Variants in PKMYT1 observed in about 807,000 individuals in gnomAD.
PKMYT1 encodes membrane-associated tyrosine- and threonine-specific cdc2-inhibitory kinase.
A neutral mutation model predicts 49.7 loss-of-function variants in PKMYT1; 35 were observed. The ratio of observed to expected loss-of-function variants is 0.70; its 90% confidence interval spans 0.54 to 0.93. The LOEUF is 0.93. Among genes scored for constraint, PKMYT1 ranks in the 40% least tolerant of loss-of-function variants. The probability of loss-of-function intolerance (pLI) is 0.00; values close to 1 mark genes in which losing one functional copy is unlikely to be tolerated. For synonymous variants in PKMYT1, 331 were observed against 287.6 expected, an observed-to-expected ratio of 1.15 and a Z score of -1.53; for missense variants, 677 against 673.1, an observed-to-expected ratio of 1.01 and a Z score of -0.06.
rs2072131573 is a variant in PKMYT1, at chr16:2,974,645, G to C, written c.884C>G (p.Thr295Ser). ...CATGTTGCATGCCACTTCCAGGATG[G>C]TGAGGCCCAGACTGGCAGGGACGGG... is the stretch of plus-strand genomic sequence containing the variant. ...TAADVFSLGL[T>S]ILEVACNMEL... Residue 295 changes from threonine to serine, a missense_variant, in exon 5 of 9, where the codon ACC becomes AGC. Thr to Ser is a moderately conservative substitution (Grantham distance 58, BLOSUM62 1). Coordinates refer to ENST00000262300, the MANE Select transcript of PKMYT1 (RefSeq NM_004203.5). 3.2e-6 allele frequency: 5 copies of C among 1,563,068 alleles called. No homozygotes were observed. In the East Asian group the frequency reaches 1.2e-4, roughly 37 times the overall value.
At chr16:2,973,537 G>A (rs1412671213) in intron 7 of PKMYT1, 3 of 1,096,534 alleles carry the variant, frequency 2.7e-6, no homozygotes, top group Non-Finnish European at 3.8e-6. Context: ...ATGAGGTGAT[G>A]TGTTTGTAAG....
chr16:2,979,282 C>T (rs2072280472), intron 2 of PKMYT1, among the ~76,000 whole-genome samples: 2 of 151,990 alleles, frequency 1.3e-5, no homozygotes, highest in South Asian at 2.1e-4. Flanking sequence ...TGCGGTGAGC[C>T]GAGATTGCGG....
rs775761952 is a variant in PKMYT1 at position 2,975,948 on chromosome 16, C to A, written c.379-136G>T. ...TGGTGTAGCTGGCATCTGTCTCAGA[C>A]CCCTGCCCAGGGTAATAACAAAACC... On this transcript the variant is annotated intron_variant, in intron 3 of 8. Transcript: ENST00000262300. The A allele has an allele frequency of 6.5e-6, 6 of 918,486 alleles. No homozygotes were observed. The South Asian group carries it at 6.8e-5, about 10-fold the overall frequency. 56.9% of individuals were successfully genotyped at this position (918,486 alleles called of 1,614,324 possible).
At chr16:2,974,709 G>A (rs2072134765) in intron 4 of PKMYT1, 53 bp from the exon 5 acceptor site, 2 of 1,235,886 alleles carry the variant, frequency 1.6e-6, no homozygotes, top group East Asian at 2.5e-5. Context: ...CTGGGACACA[G>A]ACCCAGTCCA....
chr16:2,975,107 G>A (rs1434956793), intron 4 of PKMYT1, among the ~76,000 whole-genome samples: 1 of 152,232 alleles, frequency 6.6e-6, no homozygotes, highest in African/African-American at 2.4e-5. Context: ...TGAGGAGGCA[G>A]GTTACACAAA....
chr16:2,976,157 T>G (rs2072187367), intron 3 of PKMYT1: 2 of 321,896 alleles, frequency 6.2e-6, no homozygotes, highest in African/African-American at 4.2e-5. Context: ...AAAGCTGACC[T>G]GGGGGCCAAT....
intron 3 of PKMYT1, 22 bp from the exon 4 acceptor site, chr16:2,975,834 C>G (rs201727633): frequency 6.4e-7 from 1 of 1,570,580 alleles, no homozygotes; most frequent in Admixed American, 1.7e-5. Context: ...GTGGTACCCA[C>G]GCACACAGTG....
At chr16:2,977,203 T>C (rs1339750014) in intron 2 of PKMYT1, 172 bp from the exon 3 acceptor site, 5 of 1,438,894 alleles carry the variant, frequency 3.5e-6, no homozygotes, top group Non-Finnish European at 3.7e-6. Context: ...AGAGGACAGA[T>C]TCATACTCAC....
rs376340331 is a variant in PKMYT1 at position 2,974,309 on chromosome 16, C to A, written c.1088G>T (p.Arg363Leu). The A allele has an allele frequency of 6.3e-7, 1 of 1,594,860 alleles. No individual in the cohort carries two copies. Among genetic ancestry groups the A allele is most frequent in the South Asian group, 1.1e-5 (1 of 88,616 alleles). Residue 363 changes from arginine (R) to leucine (L), a missense_variant, in exon 6 of 9, where the codon CGG becomes CTG. Coordinates refer to ENST00000262300, the MANE Select transcript of PKMYT1 (RefSeq NM_004203.5). ...LLALPVLRQP[R>L]AWGVLWCMAA... ...CATGCACCACAGCACACCCCAGGCC[C>A]GCGGCTGCCTCAACACAGGCAGTGC...
intron 3 of PKMYT1, chr16:2,976,150 G>A (rs550458359): frequency 3.6e-5 from 12 of 334,666 alleles, no homozygotes; most frequent in African/African-American, 2.1e-4. Context: ...CTGTGAGAAA[G>A]CTGACCTGGG....
chr16:2,973,128 A>C lies in PKMYT1; in HGVS notation c.1388+10T>G. ...TAGCCCTGCCCACCCCAGCCCCTGG[A>C]CCTGCTTACCTGGGTGTGCACCTGC... is the stretch of plus-strand genomic sequence containing the variant. On this transcript the variant is annotated intron_variant, in intron 8 of 8. Coordinates refer to ENST00000262300, the MANE Select transcript of PKMYT1 (RefSeq NM_004203.5). 6.4e-7 allele frequency: 1 copy of C among 1,554,388 alleles called. No homozygotes were observed. The highest frequency in any genetic ancestry group is 8.7e-7 in the Non-Finnish European group (1 of 1,144,894).
rs1165722491 is a variant in PKMYT1 at position 2,980,318 on chromosome 16, G to T, written c.-288C>A. On this transcript the variant is annotated 5_prime_UTR_variant, in exon 1 of 9. Transcript: ENST00000262300. ...GACTGGGCGGGGCGCGGGTCCGCGA[G>T]GGCCCAGATTCCGGGTCCGCGGAGG... The T allele has an allele frequency of 6.6e-6, 1 of 152,496 alleles. No individual in the cohort carries two copies. The highest frequency in any genetic ancestry group is 1.5e-5 in the Non-Finnish European group (1 of 68,186). The allele number at this position is 152,496 out of a possible 1,614,324, so 9.4% of individuals were successfully genotyped here.
In PKMYT1 at chr16:2,974,656, AC is replaced by A. The variant is rs2072131959; in HGVS notation, c.873-1del. 1.3e-6 allele frequency: 2 copies of A among 1,550,952 alleles called. No homozygotes were observed. The highest frequency in any genetic ancestry group is 1.4e-5 in the African/African-American group (1 of 73,416). Reference sequence around the variant, plus strand: ...CCACTTCCAGGATGGTGAGGCCCAGACTGGCAGGGACGGGATGGGGACAGAA... The same window carrying A: ...CCACTTCCAGGATGGTGAGGCCCAGATGGCAGGGACGGGATGGGGACAGAA... On this transcript the variant is annotated splice_acceptor_variant, in intron 4 of 8. Transcript: ENST00000262300. LOFTEE classifies it high-confidence loss of function.
At chr16:2,979,128 A>G (rs1464097218) in intron 2 of PKMYT1, among the ~76,000 whole-genome samples, 2 of 151,886 alleles carry the variant, frequency 1.3e-5, no homozygotes, top group Non-Finnish European at 2.9e-5. Context: ...TGAGGTCAAG[A>G]CTTCGAGACC....
chr16:2,974,947 T>G (rs1439987020), intron 4 of PKMYT1, among the ~76,000 whole-genome samples: 2 of 152,174 alleles, frequency 1.3e-5, no homozygotes, highest in East Asian at 3.8e-4. Flanking sequence ...GGTATTACTA[T>G]CCTGATGATC....
In PKMYT1 at chr16:2,972,951, G is replaced by C. The variant is rs1354416593; in HGVS notation, c.*2C>G. On this transcript the variant is annotated 3_prime_UTR_variant, in exon 9 of 9. Coordinates refer to ENST00000262300, the MANE Select transcript of PKMYT1 (RefSeq NM_004203.5). ...TAAAAGTGCAGAGGCAGAGTCTGGGGCTCAGGTTGGGTCTAGGGTGTCCTC... is the reference window on the plus strand; with the variant it reads ...TAAAAGTGCAGAGGCAGAGTCTGGGCCTCAGGTTGGGTCTAGGGTGTCCTC... 6.2e-7 allele frequency: 1 copy of C among 1,601,304 alleles called. No homozygotes were observed. The highest frequency in any genetic ancestry group is 1.3e-5 in the African/African-American group (1 of 74,956).
rs113543932 is a variant in PKMYT1, at chr16:2,973,157, G to A, written c.1369C>T (p.Arg457Trp). The change falls in exon 8 of 9, where the codon CGG becomes TGG. Residue 457 changes from arginine to tryptophan, a missense_variant. By Grantham distance (101) the Arg-to-Trp change is moderately radical. Coordinates refer to ENST00000262300, the MANE Select transcript of PKMYT1 (RefSeq NM_004203.5). ...ARTVGSTSTP[R>W]SRCTPRDALD... is the part of the protein sequence containing the mutation. ...GCTTACCTGGGTGTGCACCTGCTCC[G>A]GGGGGTGGAGGTGCTCCCCACAGTC... 174 of 1,537,998 alleles carry A rather than the reference G, an allele frequency of 1.1e-4. No homozygotes were observed. The African/African-American group carries it at 1.4e-3, about 13-fold the overall frequency.
chr16:2,973,677 T>C (rs1192167731), intron 7 of PKMYT1: 6 of 455,300 alleles, frequency 1.3e-5, no homozygotes, highest in Admixed American at 3.7e-5. Flanking sequence ...CTCCCCAGAC[T>C]CCAGAGGCTT....
Position 2,973,186 on chromosome 16 carries a change from G to C in PKMYT1, c.1340C>G (p.Ala447Gly). 6.6e-7 allele frequency: 1 copy of C among 1,523,706 alleles called. No homozygotes were observed. The highest frequency in any genetic ancestry group is 8.8e-7 in the Non-Finnish European group (1 of 1,130,780). 94.4% of individuals were successfully genotyped at this position (1,523,706 alleles called of 1,614,324 possible). A position where few individuals can be genotyped will look rare whatever the true frequency, so the allele number is the denominator to read the frequency against. Residue 447 changes from alanine to glycine, a missense_variant, in exon 8 of 9, where the codon GCC (alanine) becomes GGC (glycine). By Grantham distance (60) the Ala-to-Gly change is moderately conservative. Transcript: ENST00000262300. ...GGTGGAGGTGCTCCCCACAGTCCGG[G>C]CCAGGACAGCCTCAGGGGAGAGTGA... ...GPSLSPEAVL[A>G]RTVGSTSTPR...
Sources: allele counts gnomAD v4.1 joint callset (sites outside exome capture counted in the v4.1 genomes callset), GRCh38; gene constraint gnomAD v4.1.1; transcripts MANE v1.5; gene names NCBI Gene and HGNC (gene_info 2026-07-23, HGNC 2026-07-21).